Variants in AGBL4 observed in about 807,000 individuals in gnomAD.
AGBL4 encodes AGBL carboxypeptidase 4.
In AGBL4, 58 loss-of-function variants were observed where a neutral mutation model predicts 66.4. That is an observed-to-expected ratio of 0.87 (90% CI 0.71 to 1.09). The LOEUF (loss-of-function observed/expected upper bound fraction) is 1.09, where lower values mean the gene tolerates loss of function less well. AGBL4 is among the 50% of genes least tolerant of loss of function. The pLI is 0.00. For synonymous variants in AGBL4, 234 were observed against 222.9 expected (o/e 1.05, Z -0.44); for missense variants, 579 against 631.0 (o/e 0.92, Z 0.88).
intron 3 of AGBL4, among the ~76,000 whole-genome samples, chr1:49,316,439 G>GA (rs1265571517): frequency 1.1e-4 from 16 of 150,686 alleles, no homozygotes; most frequent in Non-Finnish European, 2.1e-4. Flanking sequence ...AAGTCTATTA[G>GA]AAAAAAAAGC....
At chr1:49,016,440 G>A (rs771256427) in intron 5 of AGBL4, among the ~76,000 whole-genome samples, 14 of 152,178 alleles carry the variant, frequency 9.2e-5, no homozygotes, top group Non-Finnish European at 1.8e-4. Flanking sequence ...CAGATCAAAG[G>A]CCCTGGGAAG....
intron 9 of AGBL4, among the ~76,000 whole-genome samples, chr1:48,622,225 C>G (rs1429983160): frequency 6.6e-6 from 1 of 152,122 alleles, no homozygotes; most frequent in Non-Finnish European, 1.5e-5. Flanking sequence ...TGTAATGCTT[C>G]CCCCAGTCTT....
At chr1:48,842,480 T>C (rs1242721277) in intron 6 of AGBL4, among the ~76,000 whole-genome samples, 1 of 152,190 alleles carries the variant, frequency 6.6e-6, no homozygotes, top group African/African-American at 2.4e-5. Context: ...CCATGGATTA[T>C]TGACCCTCTA....
intron 3 of AGBL4, among the ~76,000 whole-genome samples, chr1:49,593,894 G>A (rs1485051002): frequency 6.6e-6 from 1 of 151,988 alleles, no homozygotes; most frequent in African/African-American, 2.4e-5. Flanking sequence ...TAGAGAGTAT[G>A]CTAATATTAA....
intron 5 of AGBL4, among the ~76,000 whole-genome samples, chr1:48,887,546 A>G (rs1446197191): frequency 6.6e-6 from 1 of 151,072 alleles, no homozygotes; most frequent in East Asian, 2.0e-4. Flanking sequence ...AGCATTATAA[A>G]CCCCCTTTTA....
chr1:49,004,454 C>G (rs1187891943), intron 5 of AGBL4, among the ~76,000 whole-genome samples: 1 of 152,198 alleles, frequency 6.6e-6, no homozygotes, highest in East Asian at 1.9e-4. Flanking sequence ...TCTCATAGAG[C>G]TGGCCCAGAG....
intron 1 of AGBL4, among the ~76,000 whole-genome samples, chr1:49,941,383 TATC>T (rs1483788203): frequency 6.6e-6 from 1 of 152,092 alleles, no homozygotes; most frequent in African/African-American, 2.4e-5. Context: ...TTCATTTTTG[TATC>T]ATCATTACCC....
chr1:48,564,547 A>G (rs1644445553), intron 11 of AGBL4, among the ~76,000 whole-genome samples: 1 of 152,018 alleles, frequency 6.6e-6, no homozygotes, highest in African/African-American at 2.4e-5. Flanking sequence ...TTCTATGTCT[A>G]TGCTTTTGTT....
At chr1:48,817,467 T>C (rs1318119030) in intron 6 of AGBL4, 2 of 152,242 alleles carry the variant, frequency 1.3e-5, no homozygotes, top group African/African-American at 4.8e-5. Flanking sequence ...ATCAAATGGG[T>C]GTGCTTATGG....
intron 3 of AGBL4, among the ~76,000 whole-genome samples, chr1:49,488,700 AT>A (rs1647122371): frequency 6.6e-6 from 1 of 151,542 alleles, no homozygotes; most frequent in African/African-American, 2.4e-5. Context: ...CCCTCCCACT[AT>A]CCTTCTTTTC....
chr1:48,662,878 C>T (rs1054403883), intron 7 of AGBL4, among the ~76,000 whole-genome samples: 1 of 152,022 alleles, frequency 6.6e-6, no homozygotes, highest in African/African-American at 2.4e-5. Flanking sequence ...GGCTCTTCCT[C>T]ACCACAGCAC....
chr1:49,169,620 G>A (rs566201008), intron 4 of AGBL4, among the ~76,000 whole-genome samples: 22 of 152,298 alleles, frequency 1.4e-4, no homozygotes, highest in African/African-American at 3.8e-4. Context: ...TCAGAAGGCA[G>A]CCCATTAAGC....
intron 3 of AGBL4, among the ~76,000 whole-genome samples, chr1:49,385,889 T>C (rs1349918632): frequency 2.6e-5 from 4 of 152,108 alleles, no homozygotes; most frequent in Admixed American, 2.0e-4. Context: ...GTCAAATCTT[T>C]GTATTCCAGT....
chr1:48,544,993 C>T (rs762448091), intron 11 of AGBL4, among the ~76,000 whole-genome samples: 2 of 152,174 alleles, frequency 1.3e-5, no homozygotes, highest in Non-Finnish European at 2.9e-5. Context: ...TGAGCCATTT[C>T]GTTTCCCTGA....
intron 1 of AGBL4, among the ~76,000 whole-genome samples, chr1:49,928,817 T>C (rs568816746): frequency 4.4e-4 from 67 of 150,990 alleles, no homozygotes; most frequent in South Asian, 3.5e-3. Flanking sequence ...TACCGGTATA[T>C]CCTCAAAGAA....
intron 3 of AGBL4, among the ~76,000 whole-genome samples, chr1:49,548,230 C>T (rs1180209754): frequency 1.3e-5 from 2 of 152,196 alleles, no homozygotes; most frequent in Admixed American, 6.5e-5. Context: ...TCAAAGTAAA[C>T]AATCGTATTG....
At chr1:48,826,715 G>A (rs1337080330) in intron 6 of AGBL4, among the ~76,000 whole-genome samples, 1 of 152,124 alleles carries the variant, frequency 6.6e-6, no homozygotes. Context: ...CCCCTTAATT[G>A]TTTCCATGAT....
chr1:49,131,455 GA>G (rs1476888798), intron 4 of AGBL4, among the ~76,000 whole-genome samples: 1 of 152,044 alleles, frequency 6.6e-6, no homozygotes, highest in African/African-American at 2.4e-5. Context: ...TCTACTATAA[GA>G]GGGGGAATCA....
Position 48,539,467 on chromosome 1 carries a change from T to TG in AGBL4, c.1364+174_1364+175insC, listed in dbSNP as rs1395320644. ...GTCTGACCCCTTAATGACACTTTCT[T>TG]TATGCTCAGGAACTATGCTCTTCTG... is the stretch of plus-strand genomic sequence containing the variant. On this transcript the variant is annotated intron_variant, in intron 12 of 13. Transcript: ENST00000371839. 2.0e-5 allele frequency among the ~76,000 whole-genome samples: 3 copies of TG among 151,874 alleles called. No individual in the cohort carries two copies. The East Asian group carries it at 5.8e-4, about 30-fold the overall frequency.
Sources: allele counts gnomAD v4.1 joint callset (sites outside exome capture counted in the v4.1 genomes callset), GRCh38; gene constraint gnomAD v4.1.1; transcripts MANE v1.5; gene names NCBI Gene and HGNC (gene_info 2026-07-23, HGNC 2026-07-21).